The following PFKFB3 variants were observed in gnomAD, a reference collection of about 807,000 sequenced individuals.
The protein encoded by PFKFB3 is 6-phosphofructo-2-kinase/fructose-2,6-bisphosphatase 3.
A neutral mutation model predicts 68.0 loss-of-function variants in PFKFB3; 33 were observed. The observed-to-expected ratio is 0.49, with a 90% confidence interval of 0.37 to 0.65. PFKFB3 has a LOEUF of 0.65. Among genes scored for constraint, PFKFB3 ranks in the 30% least tolerant of loss-of-function variants. PFKFB3 has a pLI of 0.00. For missense variants in PFKFB3, 586 were observed against 712.2 expected (o/e 0.82, Z 2.02); for synonymous variants, 315 against 288.2 (o/e 1.09, Z -0.94).
downstream of PFKFB3, among the ~76,000 whole-genome samples, chr10:6,236,793 C>T (rs1846022385): frequency 6.6e-6 from 1 of 152,178 alleles, no homozygotes; most frequent in Admixed American, 6.5e-5. Flanking sequence ...CCTGGGCCGG[C>T]CGGGCTGTGG....
At chr10:6,252,571 G>A (rs983913848) in intron 14 of PFKFB3, among the ~76,000 whole-genome samples, 7 of 152,092 alleles carry the variant, frequency 4.6e-5, no homozygotes, top group South Asian at 2.1e-4. Flanking sequence ...TATATAATAC[G>A]CACATTTAGA....
the PFKFB3 span, among the ~76,000 whole-genome samples, chr10:6,289,919 C>G: frequency 1.6e-3 from 238 of 149,038 alleles, 5 homozygotes; most frequent in East Asian, 3.8e-3. Context: ...AGGTCCTTCA[C>G]GTCCCTTGTA....
At chr10:6,268,567 G>A in the PFKFB3 span, among the ~76,000 whole-genome samples, 1 of 152,068 alleles carries the variant, frequency 6.6e-6, no homozygotes, top group Non-Finnish European at 1.5e-5. Flanking sequence ...GGAGGTTGCA[G>A]TGAGCCAAGA....
Position 6,203,089 on chromosome 10 carries a change from G to A in PFKFB3, c.-172G>A. ...AGCACACGTCGAGCCCCGCACAGGCGAGGGTCCGGAACTTAGCCCAAAGCA... is the reference window on the plus strand; with the variant it reads ...AGCACACGTCGAGCCCCGCACAGGCAAGGGTCCGGAACTTAGCCCAAAGCA... On this transcript the variant is annotated 5_prime_UTR_variant, in exon 1 of 15. Transcript: ENST00000379775. The A allele has an allele frequency of 7.0e-7, 1 of 1,433,172 alleles. No individual in the cohort carries two copies. 88.8% of individuals were successfully genotyped at this position (1,433,172 alleles called of 1,614,324 possible). A position where few individuals can be genotyped will look rare whatever the true frequency, so the allele number is the denominator to read the frequency against.
chr10:6,177,354 C>CTTTTCTCTTTCTTTCTT (rs1301342118), intron 1 of PFKFB3, among the ~76,000 whole-genome samples: 1 of 77,924 alleles, frequency 1.3e-5, no homozygotes, highest in Non-Finnish European at 2.7e-5. Flanking sequence ...CTTTTCTTTT[C>CTTTTCTCTTTCTTTCTT]TCTTTCTTTC....
At chr10:6,199,260 A>G (rs185901964), upstream of PFKFB3, among the ~76,000 whole-genome samples, 185 of 152,260 alleles carry the variant, frequency 1.2e-3, 1 homozygote, top group Middle Eastern at 0.01. Flanking sequence ...GCTTGGTTTG[A>G]ACGTTTTAAC....
the PFKFB3 span, among the ~76,000 whole-genome samples, chr10:6,289,157 C>T: frequency 1.5e-5 from 2 of 134,722 alleles, no homozygotes; most frequent in African/African-American, 2.7e-5. Context: ...TGTAGGTTGC[C>T]TGTTCACTCT....
At chr10:6,317,115 C>A in the PFKFB3 span, among the ~76,000 whole-genome samples, 1 of 152,166 alleles carries the variant, frequency 6.6e-6, no homozygotes. Context: ...CCTTGAAGCC[C>A]ATGGACCCCA....
chr10:6,146,353 C>T, intron 1 of PFKFB3: 1 of 1,532,082 alleles, frequency 6.5e-7, no homozygotes, highest in East Asian at 2.5e-5. Flanking sequence ...TGGCTGCTGA[C>T]TCTCCTGTCC....
chr10:6,310,075 A>G, the PFKFB3 span, among the ~76,000 whole-genome samples: 11 of 152,008 alleles, frequency 7.2e-5, no homozygotes, highest in African/African-American at 1.9e-4. Flanking sequence ...CTGCCAGAGG[A>G]CCTGCCCCAG....
At chr10:6,204,733 G>A (rs1843575452) in intron 1 of PFKFB3, among the ~76,000 whole-genome samples, 1 of 152,264 alleles carries the variant, frequency 6.6e-6, no homozygotes. Context: ...TGTAAGTGGA[G>A]TGGAATGCAG....
Position 6,228,212 on chromosome 10 carries a change from C to G in PFKFB3, c.1515+1847C>G. On this transcript the variant is annotated intron_variant, in intron 14 of 14. Coordinates refer to ENST00000379775, the MANE Select transcript of PFKFB3 (RefSeq NM_004566.4). This position sits in a 1 kb window ranked among gnomAD's most constrained non-coding sequence, Gnocchi z 4.5. Reference sequence around the variant, plus strand: ...CCTCCGCAGCCTTTGCTAGGGCAAGCCTGTCTGTAAGTATCTCTCCGATCA... The same window carrying G: ...CCTCCGCAGCCTTTGCTAGGGCAAGGCTGTCTGTAAGTATCTCTCCGATCA... 6.2e-7 allele frequency: 1 copy of G among 1,612,782 alleles called. No individual in the cohort carries two copies. Among genetic ancestry groups the G allele is most frequent in the African/African-American group, 1.3e-5 (1 of 75,058 alleles).
chr10:6,216,277 CCT>C lies in PFKFB3; in HGVS notation c.366+89_366+90del, dbSNP rs1844574469. The C allele has an allele frequency of 3.1e-6, 4 of 1,270,294 alleles. No homozygotes were observed. The South Asian group carries it at 4.8e-5, about 15-fold the overall frequency. The allele number at this position is 1,270,294 out of a possible 1,614,324, so 78.7% of individuals were successfully genotyped here. The stretch of plus-strand genomic sequence containing the variant: ...GGCCTGGGGTGTACCGAGACCTGTG[CCT>C]CTGGCCCTGAGGGTGGAGGAAAGCA... On this transcript the variant is annotated intron_variant, in intron 4 of 14. Transcript: ENST00000379775.
chr10:6,265,513 A>C, the PFKFB3 span, among the ~76,000 whole-genome samples: 2 of 152,300 alleles, frequency 1.3e-5, no homozygotes, highest in Admixed American at 1.3e-4. Context: ...TGTTTAGGCT[A>C]TACATCCCTG....
chr10:6,161,416 A>AG (rs1396378541), intron 1 of PFKFB3, among the ~76,000 whole-genome samples: 6 of 152,272 alleles, frequency 3.9e-5, no homozygotes, highest in African/African-American at 1.4e-4. Flanking sequence ...TTATCTGTGG[A>AG]GGGATCCTTT....
chr10:6,239,429 G>C (rs1045542991), downstream of PFKFB3, among the ~76,000 whole-genome samples: 1 of 152,196 alleles, frequency 6.6e-6, no homozygotes, highest in African/African-American at 2.4e-5. Flanking sequence ...GCATGAGTCA[G>C]CAGATCACAG....
chr10:6,183,500 G>A (rs1254556545), intron 1 of PFKFB3, among the ~76,000 whole-genome samples: 1 of 151,788 alleles, frequency 6.6e-6, no homozygotes, highest in Non-Finnish European at 1.5e-5. Flanking sequence ...AGTGAAAACT[G>A]GAGTCTGGCC....
downstream of PFKFB3, among the ~76,000 whole-genome samples, chr10:6,237,069 C>T (rs933054756): frequency 2.0e-5 from 3 of 152,248 alleles, no homozygotes; most frequent in African/African-American, 4.8e-5. Flanking sequence ...AACGTGCACC[C>T]ACCGCAGGGC....
intron 1 of PFKFB3, among the ~76,000 whole-genome samples, chr10:6,172,130 C>G (rs941766396): frequency 1.3e-5 from 2 of 152,240 alleles, no homozygotes; most frequent in African/African-American, 4.8e-5. Context: ...AAAGCCCCTG[C>G]TGGCTCACTC....
Sources: gnomAD v4.1 joint callset for allele counts (sites outside exome capture counted in the v4.1 genomes callset) on GRCh38, gnomAD v4.1.1 for gene constraint, Gnocchi (gnomAD v3.1) non-coding constraint, MANE v1.5 for transcripts, NCBI Gene and HGNC (gene_info 2026-07-23, HGNC 2026-07-21) for gene names.